ZNF783: variants seen among roughly 807,000 people sequenced by gnomAD.
ZNF783 encodes protein ZNF783.
ZNF783 carries 25 observed loss-of-function variants against 31.3 expected under a neutral mutation model. The observed-to-expected ratio is 0.80, with a 90% confidence interval of 0.58 to 1.11. The LOEUF (loss-of-function observed/expected upper bound fraction) is 1.11. Among genes scored for constraint, ZNF783 ranks in the 50% most tolerant of loss-of-function variants. The probability of loss-of-function intolerance (pLI) is 0.00; values close to 1 mark genes in which losing one functional copy is unlikely to be tolerated. For synonymous variants in ZNF783, 369 were observed against 319.1 expected (o/e 1.16, Z -1.66); for missense variants, 797 against 760.0 (o/e 1.05, Z -0.57).
chr7:149,266,245 G>A (rs561098195), intron 1 of ZNF783, 90 bp from the exon 2 acceptor site: 364 of 1,407,594 alleles, frequency 2.6e-4, no homozygotes, highest in Non-Finnish European at 3.2e-4. Flanking sequence ...ACTTTACCAT[G>A]GCAGGTGTCA....
chr7:149,282,408 C>G lies in ZNF783; in HGVS notation c.*65C>G. On this transcript the variant is annotated 3_prime_UTR_variant, in exon 6 of 6. Transcript: ENST00000434415. The stretch of plus-strand genomic sequence containing the variant: ...CCCCTGTGCCTGACGCAGGTTCTTC[C>G]TTTTCCTGGGATGGAGAGAGGTTTG... 6.8e-6 allele frequency: 9 copies of G among 1,318,484 alleles called. No individual in the cohort carries two copies. Among genetic ancestry groups the G allele is most frequent in the Non-Finnish European group, 9.0e-6 (9 of 996,950 alleles). The allele number at this position is 1,318,484 out of a possible 1,614,324, so 81.7% of individuals were successfully genotyped here.
chr7:149,281,780 C>T lies in ZNF783; in HGVS notation c.1078C>T (p.Leu360=). Residue 360 remains leucine, a synonymous_variant, in exon 6 of 6, where the codon CTG becomes TTG. Transcript: ENST00000434415. The part of the protein sequence containing the change: ...PCPDCGQSFR[L]KINLTIHQRT... ...CCCCGACTGCGGGCAGAGCTTCCGC[C>T]TGAAGATCAATCTGACGATTCATCA... is the stretch of plus-strand genomic sequence containing the variant. 1.3e-6 allele frequency: 2 copies of T among 1,513,068 alleles called. No individual in the cohort carries two copies. Among genetic ancestry groups the T allele is most frequent in the Non-Finnish European group, 8.8e-7 (1 of 1,140,210 alleles). The allele number at this position is 1,513,068 out of a possible 1,614,324, so 93.7% of individuals were successfully genotyped here.
chr7:149,274,181 G>A (rs766025443), intron 4 of ZNF783, among the ~76,000 whole-genome samples: 9 of 152,150 alleles, frequency 5.9e-5, no homozygotes, highest in Non-Finnish European at 8.8e-5. Flanking sequence ...ATGTTTTCTT[G>A]TAGTAGTTTG....
Position 149,266,411 on chromosome 7 carries a change from C to G in ZNF783, c.101C>G (p.Ser34Trp). ...PLPQPAAEKN[S>W]YLYSTEITLW... ...CCCCAGCCAGCTGCTGAGAAGAACT[C>G]GTACCTCTACTCCACGGAAATCACA... Residue 34 changes from serine to tryptophan, a missense_variant, in exon 2 of 6, where the codon TCG (serine) becomes TGG (tryptophan). By Grantham distance (177) the Ser-to-Trp change is radical. Transcript: ENST00000434415. 6.2e-7 allele frequency: 1 copy of G among 1,601,424 alleles called. No homozygotes were observed. The highest frequency in any genetic ancestry group is 8.5e-7 in the Non-Finnish European group (1 of 1,179,766).
intron 4 of ZNF783, chr7:149,278,024 C>T: frequency 2.8e-6 from 1 of 354,506 alleles, no homozygotes; most frequent in Non-Finnish European, 4.5e-6. Flanking sequence ...GTCCCCTATG[C>T]CATAAGAGCA....
intron 4 of ZNF783, among the ~76,000 whole-genome samples, chr7:149,275,067 T>G (rs1305091644): frequency 6.6e-6 from 1 of 152,222 alleles, no homozygotes; most frequent in Non-Finnish European, 1.5e-5. Flanking sequence ...TCCTCTTCAA[T>G]TTCTTGCATT....
At chr7:149,272,755 C>T (rs958483445) in intron 4 of ZNF783, among the ~76,000 whole-genome samples, 2 of 152,114 alleles carry the variant, frequency 1.3e-5, no homozygotes, top group African/African-American at 4.8e-5. Flanking sequence ...TCCAATTATA[C>T]TTTTAGTTAT....
chr7:149,279,653 T>TC (rs1797415775), intron 5 of ZNF783, among the ~76,000 whole-genome samples: 1 of 143,798 alleles, frequency 7.0e-6, no homozygotes, highest in African/African-American at 2.6e-5. Flanking sequence ...TTTTTTTTTT[T>TC]TAATTTTTTT....
chr7:149,276,383 A>T, intron 4 of ZNF783: 1 of 988,224 alleles, frequency 1.0e-6, no homozygotes, highest in Non-Finnish European at 1.2e-6. Context: ...TCAGAGGATG[A>T]TCCACTGAAA....
At chr7:149,263,906 G>T (rs759876609) in intron 1 of ZNF783, among the ~76,000 whole-genome samples, 19 of 152,158 alleles carry the variant, frequency 1.2e-4, no homozygotes, top group Non-Finnish European at 2.8e-4. Flanking sequence ...GAGAAAAAGC[G>T]TTGAGGATTC....
intron 4 of ZNF783, chr7:149,276,546 T>C (rs1197543518): frequency 1.0e-6 from 1 of 985,468 alleles, no homozygotes; most frequent in East Asian, 1.1e-4. Flanking sequence ...GGATTATTAC[T>C]TTTCATCACT....
At chr7:149,274,526 C>T (rs992689413) in intron 4 of ZNF783, among the ~76,000 whole-genome samples, 1 of 152,172 alleles carries the variant, frequency 6.6e-6, no homozygotes, top group African/African-American at 2.4e-5. Flanking sequence ...CCACCACTCC[C>T]AGCTAATTTT....
intron 1 of ZNF783, among the ~76,000 whole-genome samples, chr7:149,262,877 A>G (rs573752138): frequency 3.9e-5 from 6 of 152,274 alleles, no homozygotes; most frequent in Non-Finnish European, 7.3e-5. Flanking sequence ...TGTGTCGTTT[A>G]CAAGAGAGAT....
chr7:149,279,887 A>C (rs1346899455), intron 5 of ZNF783, among the ~76,000 whole-genome samples: 1 of 151,978 alleles, frequency 6.6e-6, no homozygotes, highest in Non-Finnish European at 1.5e-5. Flanking sequence ...CAGACACGGC[A>C]ACCATCCGAT....
At chr7:149,276,888 G>C (rs1373286246) in intron 4 of ZNF783, among the ~76,000 whole-genome samples, 1 of 151,178 alleles carries the variant, frequency 6.6e-6, no homozygotes, top group African/African-American at 2.4e-5. Context: ...TTGCTCTGTC[G>C]CCCAGGCTGG....
chr7:149,279,459 C>T (rs1332657694), intron 5 of ZNF783, among the ~76,000 whole-genome samples: 1 of 152,148 alleles, frequency 6.6e-6, no homozygotes, highest in African/African-American at 2.4e-5. Context: ...CTGAAGCCCT[C>T]GGGACAGAAG....
Position 149,281,830 on chromosome 7 carries a change from G to A in ZNF783, c.1128G>A (p.Arg376=). Residue 376 remains arginine (R), a synonymous_variant, in exon 6 of 6, where the codon CGG becomes CGA. Coordinates refer to ENST00000434415, the MANE Select transcript of ZNF783 (RefSeq NM_001195220.2). ...AGCGGACCCATGTGGAGGAGGGGCG[G>A]CAGGAGGCCCCCGGCCGCTCGCCCA... ...IHQRTHVEEG[R]QEAPGRSPTS... is the part of the protein sequence containing the mutation. The A allele has an allele frequency of 6.6e-7, 1 of 1,504,214 alleles. No homozygotes were observed. Among genetic ancestry groups the A allele is most frequent in the Non-Finnish European group, 8.8e-7 (1 of 1,136,956 alleles). The allele number at this position is 1,504,214 out of a possible 1,614,324, so 93.2% of individuals were successfully genotyped here.
chr7:149,281,891 G>GGGGA lies in ZNF783; in HGVS notation c.1192_1195dup (p.Val399GlyfsTer17). 1 of 1,513,010 alleles carries GGGGA rather than the reference G, an allele frequency of 6.6e-7. No individual in the cohort carries two copies. Among genetic ancestry groups the GGGGA allele is most frequent in the African/African-American group, 1.4e-5 (1 of 71,762 alleles). The allele number at this position is 1,513,010 out of a possible 1,614,324, so 93.7% of individuals were successfully genotyped here. The stretch of plus-strand genomic sequence containing the variant: ...GGACAGCCAGGCCATGCTGGAGCCG[G>GGGGA]GGGAGGTGGTGGTACCCGGCCCTGT... On this transcript the variant is annotated frameshift_variant, in exon 6 of 6. Coordinates refer to ENST00000434415, the MANE Select transcript of ZNF783 (RefSeq NM_001195220.2). LOFTEE classifies it low-confidence loss of function (END_TRUNC).
chr7:149,281,903 G>T lies in ZNF783; in HGVS notation c.1201G>T (p.Val401Leu), dbSNP rs765587064. The stretch of plus-strand genomic sequence containing the variant: ...CATGCTGGAGCCGGGGGAGGTGGTG[G>T]TACCCGGCCCTGTCATCCGCTGGCT... ...QAMLEPGEVV[V>L]PGPVIRWLPE... Residue 401 changes from valine to leucine, a missense_variant, in exon 6 of 6, where the codon GTA (valine) becomes TTA (leucine). Coordinates refer to ENST00000434415, the MANE Select transcript of ZNF783 (RefSeq NM_001195220.2). The T allele has an allele frequency of 6.6e-6, 10 of 1,517,842 alleles. No individual in the cohort carries two copies. The African/African-American group carries it at 1.3e-4, about 19-fold the overall frequency. 94.0% of individuals were successfully genotyped at this position (1,517,842 alleles called of 1,614,324 possible).
Sources: allele counts gnomAD v4.1 joint callset (sites outside exome capture counted in the v4.1 genomes callset), GRCh38; gene constraint gnomAD v4.1.1; transcripts MANE v1.5; gene names NCBI Gene and HGNC (gene_info 2026-07-23, HGNC 2026-07-21).